Variants in CACNA1C observed in about 807,000 individuals in gnomAD.
CACNA1C encodes calcium voltage-gated channel subunit alpha1 C.
In CACNA1C, 30 loss-of-function variants were observed where a neutral mutation model predicts 229.0. The observed-to-expected ratio is 0.13, with a 90% CI of 0.10 to 0.18. The LOEUF (loss-of-function observed/expected upper bound fraction) is 0.18, where lower values mean the gene tolerates loss of function less well. Among genes scored for constraint, CACNA1C ranks in the 10% least tolerant of loss-of-function variants. CACNA1C has a pLI of 1.00. For missense variants in CACNA1C, 1,658 were observed against 2,845.0 expected (o/e 0.58, Z 9.49); for synonymous variants, 1,114 against 1,132.5 (o/e 0.98, Z 0.33).
chr12:2,669,484 T>C (rs760963953), intron 38 of CACNA1C, among the ~76,000 whole-genome samples: 8 of 152,218 alleles, frequency 5.3e-5, no homozygotes, highest in Admixed American at 2.6e-4. Flanking sequence ...GAACTCTAGC[T>C]TTCCATGAAA....
chr12:2,257,640 C>T (rs535628263), intron 3 of CACNA1C, among the ~76,000 whole-genome samples: 1 of 152,364 alleles, frequency 6.6e-6, no homozygotes, highest in Admixed American at 6.5e-5. Context: ...GGACCGGTAC[C>T]TGGGGGCTGG....
intron 3 of CACNA1C, among the ~76,000 whole-genome samples, chr12:2,230,636 T>C (rs986269638): frequency 6.6e-6 from 1 of 152,134 alleles, no homozygotes; most frequent in Admixed American, 6.5e-5. Flanking sequence ...TCACTAACGG[T>C]GGGAGGCCTG....
chr12:2,583,018 C>T (rs1314321779), intron 15 of CACNA1C, 76 bp downstream of exon 15: 5 of 1,150,534 alleles, frequency 4.3e-6, no homozygotes, highest in Admixed American at 2.0e-5. Flanking sequence ...CGGGCACGCC[C>T]CTCAGGTCCG....
chr12:2,348,734 G>C lies in CACNA1C; in HGVS notation c.478-100242G>C, dbSNP rs7304137. Reference sequence around the variant, plus strand: ...CTGGAGAAGGAGCTGGGAATGTCTCGGGGGAAAGGTTCCTTCCTCGGGAAC... The same window carrying C: ...CTGGAGAAGGAGCTGGGAATGTCTCCGGGGAAAGGTTCCTTCCTCGGGAAC... On this transcript the variant is annotated intron_variant, in intron 3 of 46. Coordinates refer to ENST00000399655, the MANE Select transcript of CACNA1C (RefSeq NM_000719.7). The surrounding 1 kb of genome is among the most constrained non-coding windows in gnomAD (Gnocchi z 4.7). Among the ~76,000 whole-genome samples, 419 of 152,166 alleles carry C rather than the reference G, an allele frequency of 2.8e-3. 2 individuals are homozygous for C. Among genetic ancestry groups the C allele is most frequent in the Non-Finnish European group, 4.8e-3 (329 of 68,008 alleles).
intron 13 of CACNA1C, among the ~76,000 whole-genome samples, chr12:2,577,538 T>C (rs935548813): frequency 4.6e-5 from 7 of 151,150 alleles, no homozygotes; most frequent in African/African-American, 1.7e-4. Flanking sequence ...AGGGAAGCTA[T>C]GGGAATAGGA....
rs576660583 is a variant in CACNA1C, at chr12:2,221,024, G to A, written c.477+100594G>A. On this transcript the variant is annotated intron_variant, in intron 3 of 46. Coordinates refer to ENST00000399655, the MANE Select transcript of CACNA1C (RefSeq NM_000719.7). ...GGGGTTACTTTAAGCTGTTGGTCAGGGAGGTCCCCTCTGGGACCTGGAAGA... is the reference window on the plus strand; with the variant it reads ...GGGGTTACTTTAAGCTGTTGGTCAGAGAGGTCCCCTCTGGGACCTGGAAGA... 2.6e-4 allele frequency among the ~76,000 whole-genome samples: 39 copies of A among 152,322 alleles called. 1 individual carries two copies. The highest frequency in any genetic ancestry group is 9.1e-4 in the African/African-American group (38 of 41,584).
At chr12:2,050,390 A>G (rs2108635), upstream of CACNA1C, among the ~76,000 whole-genome samples, 73,808 of 152,044 alleles carry the variant, frequency 0.49, 20,610 homozygotes, top group African/African-American at 0.76. Context: ...AGCTTATTGG[A>G]TCGCAGTGAG....
intron 9 of CACNA1C, among the ~76,000 whole-genome samples, chr12:2,531,478 G>A (rs942825062): frequency 4.6e-5 from 7 of 152,318 alleles, no homozygotes; most frequent in African/African-American, 1.7e-4. Flanking sequence ...CTAATTGTCT[G>A]TTAATCTTTC....
At chr12:2,379,717 T>C (rs1484518677) in intron 3 of CACNA1C, among the ~76,000 whole-genome samples, 1 of 152,152 alleles carries the variant, frequency 6.6e-6, no homozygotes, top group African/African-American at 2.4e-5. Flanking sequence ...GAGCCTGCCA[T>C]GATGCGGGAC....
At position 2,364,220 on chromosome 12, in the gene CACNA1C, C is replaced by G. The variant is rs530074312; in HGVS notation, c.478-84756C>G. Among the ~76,000 whole-genome samples the G allele has an allele frequency of 2.6e-5, 4 of 152,292 alleles. No individual in the cohort carries two copies. The South Asian group carries it at 8.3e-4, about 32-fold the overall frequency. On this transcript the variant is annotated intron_variant, in intron 3 of 46. Transcript: ENST00000399655. ...CCATTATTGGCATGATTTTGACAGT[C>G]TCTAGGTGAATGCCTATAAGGACAA...
chr12:2,646,926 G>A lies in CACNA1C; in HGVS notation c.3913-1549G>A, dbSNP rs1403513680. On this transcript the variant is annotated intron_variant, in intron 30 of 46. Coordinates refer to ENST00000399655, the MANE Select transcript of CACNA1C (RefSeq NM_000719.7). This position sits in a 1 kb window ranked among gnomAD's most constrained non-coding sequence, Gnocchi z 4.6. ...CAGGTGGAATCTTCATGAAGCAGAA[G>A]CTGAGATCTAGAGATCCAGATTTAG... Among the ~76,000 whole-genome samples the A allele has an allele frequency of 6.6e-6, 1 of 152,130 alleles. No homozygotes were observed. Among genetic ancestry groups the A allele is most frequent in the Non-Finnish European group, 1.5e-5 (1 of 68,018 alleles).
intron 3 of CACNA1C, among the ~76,000 whole-genome samples, chr12:2,195,966 G>C (rs888690436): frequency 2.0e-5 from 3 of 152,238 alleles, no homozygotes; most frequent in Non-Finnish European, 2.9e-5. Flanking sequence ...TGGCAGAGGA[G>C]TGTTCAGATC....
intron 1 of CACNA1C, among the ~76,000 whole-genome samples, chr12:2,080,901 T>G (rs2065332281): frequency 6.6e-6 from 1 of 152,304 alleles, no homozygotes. Flanking sequence ...TGAAAAAGGT[T>G]AACTTACATC....
intron 3 of CACNA1C, among the ~76,000 whole-genome samples, chr12:2,233,739 C>T (rs1036168615): frequency 6.6e-6 from 1 of 152,196 alleles, no homozygotes; most frequent in African/African-American, 2.4e-5. Flanking sequence ...GAAGTCTTAG[C>T]TGCTCCCTCT....
Position 2,144,429 on chromosome 12 carries a change from G to C in CACNA1C, c.477+23999G>C, listed in dbSNP as rs1481805652. ...TCTAAGATCATTCTTAGGGTGGTCT[G>C]TTTTCATTCATTCAACAATTACCTA... On this transcript the variant is annotated intron_variant, in intron 3 of 46. Transcript: ENST00000399655. 1.3e-5 allele frequency among the ~76,000 whole-genome samples: 2 copies of C among 151,266 alleles called. 1 individual carries two copies. The highest frequency in any genetic ancestry group is 3.0e-5 in the Non-Finnish European group (2 of 67,626).
chr12:2,287,284 C>G lies in CACNA1C; in HGVS notation c.478-161692C>G, dbSNP rs995560197. Among the ~76,000 whole-genome samples the G allele has an allele frequency of 5.9e-5, 9 of 152,208 alleles. No individual in the cohort carries two copies. The highest frequency in any genetic ancestry group is 2.2e-4 in the African/African-American group (9 of 41,444). ...GGGATCGGGCAAGTATTGAGTCATT[C>G]CTGCTCGTCTGGATTGTGATTGCGA... On this transcript the variant is annotated intron_variant, in intron 3 of 46. Coordinates refer to ENST00000399655, the MANE Select transcript of CACNA1C (RefSeq NM_000719.7). This position sits in a 1 kb window ranked among gnomAD's most constrained non-coding sequence, Gnocchi z 4.6.
chr12:2,412,930 T>C (rs1217118351), intron 3 of CACNA1C, among the ~76,000 whole-genome samples: 5 of 152,214 alleles, frequency 3.3e-5, no homozygotes, highest in Non-Finnish European at 5.9e-5. Context: ...AGCCTAACAA[T>C]TCAAAATGTA....
intron 3 of CACNA1C, among the ~76,000 whole-genome samples, chr12:2,185,394 A>G (rs1238880894): frequency 3.3e-5 from 5 of 152,040 alleles, no homozygotes; most frequent in Admixed American, 6.5e-5. Flanking sequence ...CTGAAATCCT[A>G]TGGGCTGAGT....
chr12:2,235,832 C>G (rs1274684611), intron 3 of CACNA1C, among the ~76,000 whole-genome samples: 1 of 152,192 alleles, frequency 6.6e-6, no homozygotes, highest in Non-Finnish European at 1.5e-5. Flanking sequence ...TTTTTCACTT[C>G]CACTTTGCAT....
Sources: gnomAD v4.1 joint callset for allele counts (sites outside exome capture counted in the v4.1 genomes callset) on GRCh38, gnomAD v4.1.1 for gene constraint, Gnocchi (gnomAD v3.1) non-coding constraint, MANE v1.5 for transcripts, NCBI Gene and HGNC (gene_info 2026-07-23, HGNC 2026-07-21) for gene names.